PAK2: variants seen among roughly 807,000 people sequenced by gnomAD.
PAK2 encodes serine/threonine-protein kinase PAK 2.
PAK2 carries 21 observed loss-of-function variants against 65.9 expected under a neutral mutation model. The observed-to-expected ratio is 0.32, with a 90% CI of 0.23 to 0.46. PAK2 has a LOEUF of 0.46. Ranked by LOEUF, PAK2 falls within the 20% of genes least tolerant of loss-of-function variation. The pLI, the probability that PAK2 is intolerant of heterozygous loss-of-function variation, is 1.00. For missense variants in PAK2, 324 were observed against 642.6 expected (o/e 0.50, Z 5.36); for synonymous variants, 204 against 219.7 (o/e 0.93, Z 0.63).
chr3:196,761,167 T>TA (rs1713950112), intron 1 of PAK2, among the ~76,000 whole-genome samples: 1 of 123,794 alleles, frequency 8.1e-6, no homozygotes, highest in African/African-American at 2.9e-5. Flanking sequence ...TTTTTTAATT[T>TA]ATTTTTTTAT....
intron 2 of PAK2, among the ~76,000 whole-genome samples, chr3:196,796,423 G>T (rs936254127): frequency 2.6e-5 from 4 of 152,148 alleles, no homozygotes; most frequent in Admixed American, 6.5e-5. Flanking sequence ...TGAGGTTTGG[G>T]GTGGGGCAAG....
chr3:196,817,268 G>A (rs1408513228), intron 11 of PAK2, among the ~76,000 whole-genome samples: 1 of 149,690 alleles, frequency 6.7e-6, no homozygotes, highest in African/African-American at 2.5e-5. Context: ...GGATTCAAGG[G>A]ATTCTCCTGC....
chr3:196,752,347 A>G (rs1280660256), intron 1 of PAK2, among the ~76,000 whole-genome samples: 1 of 152,174 alleles, frequency 6.6e-6, no homozygotes, highest in African/African-American at 2.4e-5. Context: ...TTTAAAGTAT[A>G]TTAGCTTAAG....
chr3:196,809,893 T>C (rs1715718160), intron 7 of PAK2, among the ~76,000 whole-genome samples: 1 of 152,054 alleles, frequency 6.6e-6, no homozygotes. Context: ...TTTTTCTTAC[T>C]AGTAATAAGA....
chr3:196,821,728 A>G (rs1711661105), intron 13 of PAK2, among the ~76,000 whole-genome samples: 1 of 152,172 alleles, frequency 6.6e-6, no homozygotes. Context: ...GGAAACTAGA[A>G]ATCTCGTTCA....
intron 1 of PAK2, among the ~76,000 whole-genome samples, chr3:196,774,083 T>C (rs1359621703): frequency 4.6e-5 from 7 of 152,148 alleles, no homozygotes; most frequent in African/African-American, 1.7e-4. Context: ...GTACCATAAA[T>C]CAGTAAACAT....
At chr3:196,786,248 C>T (rs74671737) in intron 2 of PAK2, among the ~76,000 whole-genome samples, 14,915 of 151,646 alleles carry the variant, frequency 0.098, 1,211 homozygotes, top group East Asian at 0.44. Context: ...CTGCAACCTC[C>T]GCCCCCCGGG....
chr3:196,787,252 A>G (rs2108744967), intron 2 of PAK2, among the ~76,000 whole-genome samples: 1 of 152,076 alleles, frequency 6.6e-6, no homozygotes, highest in East Asian at 1.9e-4. Context: ...GTACTTTAAC[A>G]GAAAAAAAAA....
At chr3:196,781,765 C>T (rs1429654444) in intron 1 of PAK2, among the ~76,000 whole-genome samples, 1 of 152,110 alleles carries the variant, frequency 6.6e-6, no homozygotes, top group Admixed American at 6.6e-5. Context: ...ATCAGGAATT[C>T]GAGACCAGCC....
At chr3:196,793,262 T>G (rs145809901) in intron 2 of PAK2, among the ~76,000 whole-genome samples, 168 of 152,096 alleles carry the variant, frequency 1.1e-3, no homozygotes, top group African/African-American at 4.0e-3. Flanking sequence ...ATCAGGGGAG[T>G]CAGGAAAAGT....
chr3:196,804,570 C>T (rs914448254), intron 4 of PAK2, among the ~76,000 whole-genome samples: 3 of 152,062 alleles, frequency 2.0e-5, no homozygotes, highest in Non-Finnish European at 2.9e-5. Context: ...CGGGTTCAAG[C>T]AATTCTCCTG....
At chr3:196,771,134 G>C (rs1254725289) in intron 1 of PAK2, among the ~76,000 whole-genome samples, 2 of 151,900 alleles carry the variant, frequency 1.3e-5, no homozygotes, top group Non-Finnish European at 2.9e-5. Context: ...TTGTCTCAAT[G>C]TTTCTGTTTA....
At chr3:196,802,935 T>G in intron 3 of PAK2, 82 bp from the exon 4 acceptor site, 1 of 873,262 alleles carries the variant, frequency 1.1e-6, no homozygotes, top group Non-Finnish European at 1.7e-6. Context: ...GTTTGTTTTG[T>G]GTATTTTGTC....
At chr3:196,792,573 G>A (rs1410279982) in intron 2 of PAK2, among the ~76,000 whole-genome samples, 1 of 152,098 alleles carries the variant, frequency 6.6e-6, no homozygotes, top group African/African-American at 2.4e-5. Context: ...CTCATTACTA[G>A]TTAAATAAGT....
chr3:196,752,447 G>A (rs1436805725), intron 1 of PAK2, among the ~76,000 whole-genome samples: 2 of 152,164 alleles, frequency 1.3e-5, no homozygotes, highest in Admixed American at 1.3e-4. Context: ...TATATCTGAA[G>A]ATTATAAGAT....
At position 196,820,334 on chromosome 3, in the gene PAK2, A is replaced by C; in HGVS notation, c.1154-37A>C. On this transcript the variant is annotated intron_variant, in intron 12 of 14. Transcript: ENST00000327134. The surrounding 1 kb of genome is among the most constrained non-coding windows in gnomAD (Gnocchi z 4.6). ...GTGAACTCTTCTGCTAAAACCATCC[A>C]TGGAAGCCATTAACTCTGTTTTGTT... 2.2e-6 allele frequency: 3 copies of C among 1,344,282 alleles called. No individual in the cohort carries two copies. The highest frequency in any genetic ancestry group is 3.1e-6 in the Non-Finnish European group (3 of 980,028). The allele number at this position is 1,344,282 out of a possible 1,614,324, so 83.3% of individuals were successfully genotyped here. A position where few individuals can be genotyped will look rare whatever the true frequency, so the allele number is the denominator to read the frequency against.
Position 196,777,981 on chromosome 3 carries a change from T to A in PAK2, c.-21-4645T>A, listed in dbSNP as rs1714588293. 2.0e-5 allele frequency among the ~76,000 whole-genome samples: 3 copies of A among 152,200 alleles called. No homozygotes were observed. In the South Asian group the frequency reaches 6.2e-4, roughly 32 times the overall value. ...CAGGGCTGTGCAGCCATCTCCACTG[T>A]CTTCATACCGGAACATTTGCGTCCC... is the stretch of plus-strand genomic sequence containing the variant. On this transcript the variant is annotated intron_variant, in intron 1 of 14. Coordinates refer to ENST00000327134, the MANE Select transcript of PAK2 (RefSeq NM_002577.4).
At chr3:196,752,891 CTATT>C (rs1478865122) in intron 1 of PAK2, among the ~76,000 whole-genome samples, 1 of 152,046 alleles carries the variant, frequency 6.6e-6, no homozygotes, top group African/African-American at 2.4e-5. Context: ...CACGTCTGGC[CTATT>C]TATTTTTGAG....
chr3:196,780,850 G>A (rs541276086), intron 1 of PAK2, among the ~76,000 whole-genome samples: 7 of 152,152 alleles, frequency 4.6e-5, no homozygotes, highest in South Asian at 2.1e-4. Flanking sequence ...ATGCAGTGGC[G>A]CAATCTCGGC....
Sources: gnomAD v4.1 joint callset for allele counts (sites outside exome capture counted in the v4.1 genomes callset) on GRCh38, gnomAD v4.1.1 for gene constraint, Gnocchi (gnomAD v3.1) non-coding constraint, MANE v1.5 for transcripts, NCBI Gene and HGNC (gene_info 2026-07-23, HGNC 2026-07-21) for gene names.